Variants in USP26 observed in about 807,000 individuals in gnomAD.
USP26 encodes the protein ubiquitin specific peptidase 26.
For missense variants in USP26, 649 were observed against 642.3 expected, an observed-to-expected ratio of 1.01 and a Z score of -0.11; for synonymous variants, 236 against 240.6, an observed-to-expected ratio of 0.98 and a Z score of 0.18.
chrX:133,085,182 A>C (rs765702302), intron 4 of USP26, among the ~76,000 whole-genome samples: 1 of 110,826 alleles, frequency 9.0e-6, no homozygotes, highest in African/African-American at 3.3e-5. Flanking sequence ...TGACCCACCT[A>C]CCTCAGCCTC....
At chrX:133,095,565 A>G (rs923523106) in intron 1 of USP26, among the ~76,000 whole-genome samples, 6 of 112,191 alleles carry the variant, frequency 5.3e-5, no homozygotes, top group Non-Finnish European at 1.1e-4. Flanking sequence ...AAACTTGTAC[A>G]AAACCTTTCA....
rs1183890191 is a variant in USP26, at chrX:133,024,416, A to G, written c.*1063T>C. On this transcript the variant is annotated 3_prime_UTR_variant, in exon 6 of 6. Coordinates refer to ENST00000511190, the MANE Select transcript of USP26 (RefSeq NM_031907.3). ...CCCCTCTAAGAAAACTAACATGGCA[A>G]GGTGGGCTCAGACCACCAAGGGCCA... is the stretch of plus-strand genomic sequence containing the variant. Among the ~76,000 whole-genome samples the G allele has an allele frequency of 8.9e-6, 1 of 112,184 alleles. No homozygotes were observed. The highest frequency in any genetic ancestry group is 3.2e-5 in the African/African-American group (1 of 30,905).
chrX:133,071,536 T>TAA (rs148956015), intron 5 of USP26, among the ~76,000 whole-genome samples: 457 of 103,202 alleles, frequency 4.4e-3, no homozygotes, highest in African/African-American at 0.015. Flanking sequence ...AAGATTCAAT[T>TAA]AAAAAAAAAA....
intron 5 of USP26, among the ~76,000 whole-genome samples, chrX:133,048,297 G>C (rs1175584499): frequency 2.7e-5 from 3 of 111,791 alleles, no homozygotes; most frequent in African/African-American, 9.8e-5. Flanking sequence ...TAATTCATGG[G>C]GCTAAATGAC....
chrX:133,087,285 A>G (rs2067592989), intron 4 of USP26, among the ~76,000 whole-genome samples: 2 of 112,450 alleles, frequency 1.8e-5, no homozygotes, highest in Middle Eastern at 4.7e-3. Context: ...CTAAAATTCA[A>G]TATAAAGACT....
In USP26 at chrX:133,077,416, T is replaced by A. The variant is rs774837569; in HGVS notation, c.-77+6291A>T. On this transcript the variant is annotated intron_variant, in intron 5 of 5. Transcript: ENST00000511190. ...CCAGTATACAGCATGATGAATTTTT[T>A]AAAAATCTATACTATGTAGCTTGTA... Among the ~76,000 whole-genome samples the A allele has an allele frequency of 2.2e-4, 25 of 111,972 alleles. No homozygotes were observed. In the East Asian group the frequency reaches 7.0e-3, roughly 31 times the overall value.
intron 5 of USP26, among the ~76,000 whole-genome samples, chrX:133,040,126 C>T (rs1468876924): frequency 1.8e-5 from 2 of 111,375 alleles, no homozygotes; most frequent in African/African-American, 6.5e-5. Flanking sequence ...GCACACTGAA[C>T]GATCTTGACT....
intron 5 of USP26, among the ~76,000 whole-genome samples, chrX:133,077,148 C>G (rs2067551922): frequency 8.9e-6 from 1 of 111,760 alleles, no homozygotes; most frequent in Admixed American, 9.5e-5. Context: ...GTACAATGTA[C>G]TTTCCCCTGT....
chrX:133,053,717 A>G (rs1280567744), intron 5 of USP26, among the ~76,000 whole-genome samples: 1 of 111,432 alleles, frequency 9.0e-6, no homozygotes, highest in Non-Finnish European at 1.9e-5. Flanking sequence ...ACGGGCCACA[A>G]AGCAGGGAGA....
intron 5 of USP26, among the ~76,000 whole-genome samples, chrX:133,029,435 C>T (rs1223981290): frequency 1.8e-5 from 2 of 112,117 alleles, no homozygotes; most frequent in Non-Finnish European, 3.8e-5. Context: ...CATCCATATA[C>T]GAAAGTGCAT....
chrX:133,071,095 T>C (rs185591165), intron 5 of USP26, among the ~76,000 whole-genome samples: 1 of 110,753 alleles, frequency 9.0e-6, no homozygotes, highest in East Asian at 2.8e-4. Flanking sequence ...CACGCCCCTG[T>C]GGTCCTAGCT....
At chrX:133,051,791 A>C (rs1319837227) in intron 5 of USP26, among the ~76,000 whole-genome samples, 16 of 112,485 alleles carry the variant, frequency 1.4e-4, no homozygotes, top group Non-Finnish European at 7.5e-5. Context: ...TTGTTACTTC[A>C]AAGTCAAACA....
intron 5 of USP26, among the ~76,000 whole-genome samples, chrX:133,080,828 C>A (rs1279931816): frequency 8.9e-6 from 1 of 111,882 alleles, no homozygotes; most frequent in Non-Finnish European, 1.9e-5. Context: ...ACCTTTATTT[C>A]TCTGTAATTC....
chrX:133,049,006 T>C (rs1484965933), intron 5 of USP26, among the ~76,000 whole-genome samples: 1 of 112,098 alleles, frequency 8.9e-6, no homozygotes, highest in African/African-American at 3.2e-5. Context: ...TGAGAGCAGG[T>C]TGATCAATAA....
intron 5 of USP26, among the ~76,000 whole-genome samples, chrX:133,057,867 T>TATATATATATATATATATATA (rs1491099712): frequency 6.8e-3 from 56 of 8,212 alleles, no homozygotes; most frequent in Non-Finnish European, 8.7e-3. Flanking sequence ...TATATATATA[T>TATATATATATATATATATATA]TTTTTTTTTT....
chrX:133,073,095 GCAAT>G (rs748505038), intron 5 of USP26, among the ~76,000 whole-genome samples: 1 of 111,154 alleles, frequency 9.0e-6, no homozygotes, highest in African/African-American at 3.3e-5. Context: ...AAGGCAGTTG[GCAAT>G]CAGTGTACAA....
Position 133,026,578 on chromosome X carries a change from G to A in USP26, c.1643C>T (p.Ser548Phe). The change falls in exon 6 of 6, where the codon TCT (serine) becomes TTT (phenylalanine). Residue 548 changes from serine to phenylalanine, a missense_variant. Transcript: ENST00000511190. ...TCTGGTGCCTTCATTGCAATGAGAA[G>A]ACACCTTTAAATATTTGGAAATGAT... ...EVIISKYLKV[S>F]SHCNEGTRPP... 5.0e-6 allele frequency: 6 copies of A among 1,208,560 alleles called. No homozygotes were observed. The highest frequency in any genetic ancestry group is 6.7e-6 in the Non-Finnish European group (6 of 894,353).
chrX:133,044,465 C>T (rs1325939769), intron 5 of USP26, among the ~76,000 whole-genome samples: 1 of 113,437 alleles, frequency 8.8e-6, no homozygotes, highest in Non-Finnish European at 1.9e-5. Flanking sequence ...AGGCCCTGCA[C>T]TCAGAGTGGC....
At chrX:133,048,110 C>G (rs1376154624) in intron 5 of USP26, among the ~76,000 whole-genome samples, 1 of 111,480 alleles carries the variant, frequency 9.0e-6, no homozygotes, top group Non-Finnish European at 1.9e-5. Flanking sequence ...GTCTCAATAT[C>G]CTGGCATTGC....
Sources: gnomAD v4.1 joint callset for allele counts (sites outside exome capture counted in the v4.1 genomes callset) on GRCh38, gnomAD v4.1.1 for gene constraint, MANE v1.5 for transcripts, NCBI Gene and HGNC (gene_info 2026-07-23, HGNC 2026-07-21) for gene names.